The following TM7SF2 variants were observed in gnomAD, a reference collection of about 807,000 sequenced individuals.
TM7SF2 encodes transmembrane 7 superfamily member 2, also known as delta(14)-sterol reductase TM7SF2.
TM7SF2 carries 51 observed loss-of-function variants against 51.0 expected under a neutral mutation model. That is an observed-to-expected ratio of 1.00 (90% CI 0.80 to 1.26). TM7SF2 has a LOEUF of 1.26. Ranked by LOEUF, TM7SF2 falls within the 50% of genes most tolerant of loss-of-function variation. TM7SF2 has a pLI of 0.00. For synonymous variants in TM7SF2, 255 were observed against 241.0 expected (o/e 1.06, Z -0.54); for missense variants, 541 against 547.4 (o/e 0.99, Z 0.12).
In TM7SF2 at chr11:65,112,209, A is replaced by G. The variant is rs1027588934; in HGVS notation, c.52+142A>G. 32 of 860,986 alleles carry G rather than the reference A, an allele frequency of 3.7e-5. No homozygotes were observed. The African/African-American group carries it at 5.2e-4, about 14-fold the overall frequency. The allele number at this position is 860,986 out of a possible 1,614,324, so 53.3% of individuals were successfully genotyped here. ...AGAGGGACCCGGGGGTTTGCAGCGA[A>G]GGGTGTCTGGAGAGGGAGAGCTGAG... On this transcript the variant is annotated intron_variant, in intron 1 of 9. Transcript: ENST00000279263.
Position 65,115,413 on chromosome 11 carries a change from G to C in TM7SF2, c.973+19G>C, listed in dbSNP as rs1947965580. 1 of 1,614,052 alleles carries C rather than the reference G, an allele frequency of 6.2e-7. No homozygotes were observed. Among genetic ancestry groups the C allele is most frequent in the African/African-American group, 1.3e-5 (1 of 74,928 alleles). ...GTGGCTGGTGAGCTGGTTCTCTAGG[G>C]CCATGGGTGAGGTGGGGCAGCTGGG... On this transcript the variant is annotated intron_variant, in intron 8 of 9. Transcript: ENST00000279263.
chr11:65,113,695 C>T, intron 5 of TM7SF2, 101 bp downstream of exon 5: 2 of 966,698 alleles, frequency 2.1e-6, no homozygotes, highest in Non-Finnish European at 3.3e-6. Context: ...AGATGCGAGT[C>T]ATTAACCATT....
chr11:65,112,077 CAG>C lies in TM7SF2; in HGVS notation c.52+16_52+17del, dbSNP rs1312463009. 1.3e-6 allele frequency: 2 copies of C among 1,595,094 alleles called. No individual in the cohort carries two copies. The highest frequency in any genetic ancestry group is 1.7e-6 in the Non-Finnish European group (2 of 1,173,304). On this transcript the variant is annotated intron_variant, in intron 1 of 9. Coordinates refer to ENST00000279263, the MANE Select transcript of TM7SF2 (RefSeq NM_003273.6). ...TTCGGAGGGCCCCTGGGTAATGGGG[CAG>C]AGAGATGGGACCTGGGGCAAAGGCT...
Position 65,111,904 on chromosome 11 carries a change from C to G in TM7SF2, c.-112C>G. The stretch of plus-strand genomic sequence containing the variant: ...TTCCGTGTCCAGGCAGGTGCAGGCG[C>G]CGCGGGGCCGGATCCTCCGCGCGGC... On this transcript the variant is annotated 5_prime_UTR_variant, in exon 1 of 10. Transcript: ENST00000279263. 1 of 1,274,280 alleles carries G rather than the reference C, an allele frequency of 7.8e-7. No individual in the cohort carries two copies. The highest frequency in any genetic ancestry group is 1.1e-6 in the Non-Finnish European group (1 of 897,948). The allele number at this position is 1,274,280 out of a possible 1,614,324, so 78.9% of individuals were successfully genotyped here.
At position 65,112,707 on chromosome 11, in the gene TM7SF2, G is replaced by T. The variant is rs563774622; in HGVS notation, c.245G>T (p.Arg82Leu). Reference sequence around the variant, plus strand: ...GCGGCGCTCTACCTACTGCCGGCGCGCAAGGTGCGGGCCCCGCTCGCGGAC... The same window carrying T: ...GCGGCGCTCTACCTACTGCCGGCGCTCAAGGTGCGGGCCCCGCTCGCGGAC... ...LQAALYLLPARKVAEGQELKD... is the reference protein window; with the variant it reads ...LQAALYLLPALKVAEGQELKD... Residue 82 changes from arginine (R) to leucine (L), a missense_variant, in exon 2 of 10, where the codon CGC becomes CTC. Coordinates refer to ENST00000279263, the MANE Select transcript of TM7SF2 (RefSeq NM_003273.6). The T allele has an allele frequency of 1.3e-6, 2 of 1,545,656 alleles. No homozygotes were observed. Among genetic ancestry groups the T allele is most frequent in the Non-Finnish European group, 8.7e-7 (1 of 1,145,678 alleles).
Position 65,112,064 on chromosome 11 carries a change from C to T in TM7SF2, c.49C>T (p.Leu17=), listed in dbSNP as rs2137198713. ...PRAPLEFGGP[L]GAAALLLLLP... ...GGCCCCGCTGGAATTCGGAGGGCCCCTGGGTAATGGGGCAGAGAGATGGGA... is the reference window on the plus strand; with the variant it reads ...GGCCCCGCTGGAATTCGGAGGGCCCTTGGGTAATGGGGCAGAGAGATGGGA... Residue 17 remains leucine, a synonymous_variant, in exon 1 of 10, where the codon CTG becomes TTG. Transcript: ENST00000279263. 1.3e-6 allele frequency: 2 copies of T among 1,598,566 alleles called. No homozygotes were observed. Among genetic ancestry groups the T allele is most frequent in the South Asian group, 2.3e-5 (2 of 88,442 alleles).
At chr11:65,112,109 G>A (rs1947912961) in intron 1 of TM7SF2, 42 bp downstream of exon 1, 2 of 1,565,208 alleles carry the variant, frequency 1.3e-6, no homozygotes, top group East Asian at 2.3e-5. Flanking sequence ...AAGGCTAAGC[G>A]AAGGAGAGCT....
chr11:65,115,807 C>T (rs1377017196), intron 9 of TM7SF2, 86 bp from the exon 10 acceptor site: 1 of 1,605,380 alleles, frequency 6.2e-7, no homozygotes, highest in South Asian at 1.1e-5. Flanking sequence ...GCCCCGATGC[C>T]CACATGAGCC....
rs1947981925 is a variant in TM7SF2 at position 65,116,143 on chromosome 11, G to A, written c.*90G>A. ...AGCCTCGACACACTTGGGACTCAAG[G>A]GCTTGCACCCCACCCAGCCCTGAGG... On this transcript the variant is annotated 3_prime_UTR_variant, in exon 10 of 10. Coordinates refer to ENST00000279263, the MANE Select transcript of TM7SF2 (RefSeq NM_003273.6). 8.1e-6 allele frequency: 12 copies of A among 1,479,492 alleles called. No homozygotes were observed. Among genetic ancestry groups the A allele is most frequent in the Non-Finnish European group, 1.1e-5 (12 of 1,100,548 alleles). 91.6% of individuals were successfully genotyped at this position (1,479,492 alleles called of 1,614,324 possible). A position where few individuals can be genotyped will look rare whatever the true frequency, so the allele number is the denominator to read the frequency against.
chr11:65,112,649 C>T lies in TM7SF2; in HGVS notation c.187C>T (p.Leu63=). Residue 63 remains leucine (L), a synonymous_variant, in exon 2 of 10, where the codon CTG becomes TTG. Transcript: ENST00000279263. The part of the protein sequence containing the change: ...GLEVLWSPRA[L]LLWLAWLGLQ... The stretch of plus-strand genomic sequence containing the variant: ...GGAGGTGCTGTGGAGCCCACGGGCG[C>T]TGCTGCTGTGGCTCGCCTGGCTCGG... 1 of 1,539,660 alleles carries T rather than the reference C, an allele frequency of 6.5e-7. No individual in the cohort carries two copies. Among genetic ancestry groups the T allele is most frequent in the Non-Finnish European group, 8.7e-7 (1 of 1,144,370 alleles).
At chr11:65,113,644 T>G (rs879213680) in intron 5 of TM7SF2, 50 bp downstream of exon 5, 56 of 1,421,430 alleles carry the variant, frequency 3.9e-5, no homozygotes, top group Non-Finnish European at 5.0e-5. Flanking sequence ...AGGGTTAGGG[T>G]GGGTGAGCAG....
chr11:65,115,658 C>T, intron 9 of TM7SF2, 60 bp downstream of exon 9: 2 of 1,611,300 alleles, frequency 1.2e-6, no homozygotes, highest in African/African-American at 2.7e-5. Context: ...GCTCAGCGAC[C>T]ACAGGATGCC....
At chr11:65,112,092 T>C (rs1656735061) in intron 1 of TM7SF2, 25 bp downstream of exon 1, 1 of 1,587,304 alleles carries the variant, frequency 6.3e-7, no homozygotes, top group Non-Finnish European at 8.5e-7. Context: ...AGATGGGACC[T>C]GGGGCAAAGG....
intron 9 of TM7SF2, 89 bp from the exon 10 acceptor site, chr11:65,115,804 T>C (rs1434722570): frequency 6.2e-7 from 1 of 1,603,598 alleles, no homozygotes. Context: ...TGAGCCCCGA[T>C]GCCCACATGA....
Position 65,114,640 on chromosome 11 carries a change from G to A in TM7SF2, c.604-73G>A. ...TGGAGTGTAACTGACAGTTGAGAAG[G>A]GCAGAGGCTGGCCACTGCTCTGCCC... On this transcript the variant is annotated intron_variant, in intron 5 of 9. Transcript: ENST00000279263. The A allele has an allele frequency of 5.9e-6, 9 of 1,537,220 alleles. No individual in the cohort carries two copies. In the South Asian group the frequency reaches 1.1e-4, roughly 19 times the overall value.
intron 6 of TM7SF2, 26 bp from the exon 7 acceptor site, chr11:65,114,886 CA>C (rs762061332): frequency 6.2e-7 from 1 of 1,614,154 alleles, no homozygotes; most frequent in South Asian, 1.1e-5. Flanking sequence ...GGGACTAAGC[CA>C]GTGTGTCTGG....
In TM7SF2 at chr11:65,112,082, A is replaced by G. The variant is rs1230478946; in HGVS notation, c.52+15A>G. ...AGGGCCCCTGGGTAATGGGGCAGAG[A>G]GATGGGACCTGGGGCAAAGGCTAAG... On this transcript the variant is annotated intron_variant, in intron 1 of 9. Coordinates refer to ENST00000279263, the MANE Select transcript of TM7SF2 (RefSeq NM_003273.6). 6.3e-7 allele frequency: 1 copy of G among 1,593,422 alleles called. No homozygotes were observed. Among genetic ancestry groups the G allele is most frequent in the African/African-American group, 1.3e-5 (1 of 74,202 alleles).
intron 1 of TM7SF2, 137 bp from the exon 2 acceptor site, chr11:65,112,378 G>A: frequency 2.0e-6 from 2 of 1,009,816 alleles, no homozygotes; most frequent in East Asian, 3.1e-5. Context: ...CCTGGGGGCC[G>A]AGGGCTGAGG....
In TM7SF2 at chr11:65,115,091, G is replaced by T. The variant is rs1947959935; in HGVS notation, c.892+10G>T. ...ATCTGCCTCATCAATGGTCAGTCAG[G>T]AAGGGGCAGCAGGCTGGGCCCATCT... On this transcript the variant is annotated intron_variant, in intron 7 of 9. Transcript: ENST00000279263. 1 of 1,611,922 alleles carries T rather than the reference G, an allele frequency of 6.2e-7. No homozygotes were observed. Among genetic ancestry groups the T allele is most frequent in the African/African-American group, 1.3e-5 (1 of 74,924 alleles).
Sources: gnomAD v4.1 joint callset for allele counts on GRCh38, gnomAD v4.1.1 for gene constraint, MANE v1.5 for transcripts, NCBI Gene and HGNC (gene_info 2026-07-23, HGNC 2026-07-21) for gene names.